The following P3H1 variants were observed in gnomAD, a reference collection of about 807,000 sequenced individuals.
P3H1 encodes the protein growth suppressor 1.
In P3H1, 69 loss-of-function variants were observed where a neutral mutation model predicts 84.0. The ratio of observed to expected loss-of-function variants is 0.82; its 90% CI spans 0.68 to 1.00. P3H1 has a LOEUF of 1.00. Among genes scored for constraint, P3H1 ranks in the 50% least tolerant of loss-of-function variants. The probability of loss-of-function intolerance (pLI) is 0.00; values close to 1 mark genes in which losing one functional copy is unlikely to be tolerated. For synonymous variants in P3H1, 366 were observed against 388.8 expected (o/e 0.94, Z 0.69); for missense variants, 878 against 962.8 (o/e 0.91, Z 1.17).
At chr1:42,751,946 C>T in intron 10 of P3H1, 1 of 388,376 alleles carries the variant, frequency 2.6e-6, no homozygotes, top group Non-Finnish European at 4.9e-6. Flanking sequence ...TCCTCTTCCT[C>T]CTGTCCTTCT....
chr1:42,755,239 G>T, intron 6 of P3H1, 22 bp from the exon 7 acceptor site: 3 of 1,610,402 alleles, frequency 1.9e-6, no homozygotes, highest in South Asian at 2.2e-5. Context: ...AGGAAGAAAT[G>T]AAAAAGGTAA....
At position 42,767,016 on chromosome 1, in the gene P3H1, G is replaced by A. The variant is rs183564323; in HGVS notation, c.-45C>T. The A allele has an allele frequency of 1.2e-3, 1,836 of 1,591,100 alleles. 9 individuals carry two copies. The African/African-American group carries it at 0.021, about 18-fold the overall frequency. On this transcript the variant is annotated 5_prime_UTR_variant, in exon 1 of 15. Coordinates refer to ENST00000296388, the MANE Select transcript of P3H1 (RefSeq NM_022356.4). Reference sequence around the variant, plus strand: ...GAACCGCCAGCCACCCGCCACCAAGGCCGGAGTCCTACCCCCGGCGAAGGC... The same window carrying A: ...GAACCGCCAGCCACCCGCCACCAAGACCGGAGTCCTACCCCCGGCGAAGGC...
At chr1:42,750,817 T>C (rs1414995328) in intron 10 of P3H1, among the ~76,000 whole-genome samples, 3 of 132,026 alleles carry the variant, frequency 2.3e-5, no homozygotes, top group Non-Finnish European at 4.8e-5. Flanking sequence ...GGGAGGGAGG[T>C]GGGGGGGTCA....
chr1:42,757,197 C>T (rs184715273), intron 5 of P3H1, among the ~76,000 whole-genome samples: 58 of 152,298 alleles, frequency 3.8e-4, no homozygotes, highest in African/African-American at 9.9e-4. Flanking sequence ...ACAACCCACA[C>T]AGGAGGGGCA....
intron 11 of P3H1, among the ~76,000 whole-genome samples, chr1:42,749,526 T>C (rs949640136): frequency 3.9e-5 from 6 of 152,212 alleles, no homozygotes; most frequent in Admixed American, 2.6e-4. Flanking sequence ...CTCACAAATT[T>C]GGTATTTAAC....
At chr1:42,762,610 GC>G in intron 1 of P3H1, 135 bp from the exon 2 acceptor site, 1 of 884,700 alleles carries the variant, frequency 1.1e-6, no homozygotes, top group Non-Finnish European at 1.8e-6. Context: ...GCCCCTGCCA[GC>G]CCCAGGAAGC....
chr1:42,751,541 C>A (rs1384008441), intron 10 of P3H1: 2 of 133,184 alleles, frequency 1.5e-5, no homozygotes, highest in African/African-American at 2.9e-5. Flanking sequence ...TCCCCCTCTG[C>A]GAGAAACACC....
intron 8 of P3H1, among the ~76,000 whole-genome samples, chr1:42,753,086 A>C (rs960606076): frequency 2.6e-5 from 4 of 152,186 alleles, no homozygotes; most frequent in African/African-American, 7.2e-5. Flanking sequence ...TCTACCTTAT[A>C]TGTTTGATGC....
At chr1:42,762,894 C>T (rs1468776409) in intron 1 of P3H1, among the ~76,000 whole-genome samples, 1 of 152,028 alleles carries the variant, frequency 6.6e-6, no homozygotes, top group Middle Eastern at 3.2e-3. Flanking sequence ...GAGTTCAAGA[C>T]CAGTCTGGGC....
intron 12 of P3H1, 126 bp from the exon 13 acceptor site, chr1:42,747,924 C>T: frequency 1.1e-6 from 1 of 916,726 alleles, no homozygotes; most frequent in Non-Finnish European, 1.8e-6. Context: ...CCTTTAAGAA[C>T]CTATACTGAT....
intron 11 of P3H1, 28 bp downstream of exon 11, chr1:42,750,158 C>T (rs547664224): frequency 5.2e-5 from 84 of 1,607,228 alleles, no homozygotes; most frequent in African/African-American, 3.6e-4. Context: ...CATGCGGGGG[C>T]GGGTGCTGCA....
Position 42,754,912 on chromosome 1 carries a change from C to T in P3H1, c.1302G>A (p.Glu434=), listed in dbSNP as rs774224685. The change falls in exon 8 of 15, where the codon GAG becomes GAA. Residue 434 remains glutamate (E), a synonymous_variant. Coordinates refer to ENST00000296388, the MANE Select transcript of P3H1 (RefSeq NM_022356.4). This position sits in a 1 kb window ranked among gnomAD's most constrained non-coding sequence, Gnocchi z 4.0. ...TCACATCCAGTGACTCCTTGGTCTT[C>T]TCTTCCACAAGGGTCTCGATTTCCT... The part of the protein sequence containing the change: ...LMKEIETLVE[E]KTKESLDVSR... 2 of 1,614,208 alleles carry T rather than the reference C, an allele frequency of 1.2e-6. No homozygotes were observed. Among genetic ancestry groups the T allele is most frequent in the Non-Finnish European group, 1.7e-6 (2 of 1,180,018 alleles).
intron 1 of P3H1, among the ~76,000 whole-genome samples, chr1:42,764,236 A>G (rs189691451): frequency 1.1e-4 from 16 of 152,118 alleles, no homozygotes; most frequent in African/African-American, 3.4e-4. Context: ...ATCCTGGCCA[A>G]TATGGAGAAA....
Position 42,754,755 on chromosome 1 carries a change from G to A in P3H1, c.1345+114C>T. ...CCACTGAACTTGCACCCTAAGGGTG[G>A]CTGGCTCATGGTGAGCTCTGCAATG... is the stretch of plus-strand genomic sequence containing the variant. On this transcript the variant is annotated intron_variant, in intron 8 of 14. Transcript: ENST00000296388. This position sits in a 1 kb window ranked among gnomAD's most constrained non-coding sequence, Gnocchi z 4.0. 7.1e-7 allele frequency: 1 copy of A among 1,403,182 alleles called. No homozygotes were observed. The highest frequency in any genetic ancestry group is 1.0e-6 in the Non-Finnish European group (1 of 998,132). 86.9% of individuals were successfully genotyped at this position (1,403,182 alleles called of 1,614,324 possible).
At chr1:42,753,941 G>A (rs1245406205) in intron 8 of P3H1, among the ~76,000 whole-genome samples, 3 of 150,586 alleles carry the variant, frequency 2.0e-5, no homozygotes, top group Admixed American at 6.6e-5. Flanking sequence ...AAAAAAAAAA[G>A]AAAGGCTTTG....
Position 42,757,831 on chromosome 1 carries a change from A to G in P3H1, c.1032T>C (p.Tyr344=), listed in dbSNP as rs74360797. The G allele has an allele frequency of 1.2e-6, 2 of 1,614,256 alleles. No individual in the cohort carries two copies. The highest frequency in any genetic ancestry group is 2.2e-5 in the East Asian group (1 of 44,894). Residue 344 remains tyrosine (Y), a synonymous_variant, in exon 5 of 15, where the codon TAT becomes TAC. Coordinates refer to ENST00000296388, the MANE Select transcript of P3H1 (RefSeq NM_022356.4). ...TGTGTTCTTCTCCAAGCATAGCTGCATAATAGGCCAAATTTTGGTTCATCA... is the reference window on the plus strand; with the variant it reads ...TGTGTTCTTCTCCAAGCATAGCTGCGTAATAGGCCAAATTTTGGTTCATCA... ...DEVMNQNLAY[Y]AAMLGEEHTR...
Position 42,766,483 on chromosome 1 carries a change from G to A in P3H1, c.465+24C>T, listed in dbSNP as rs769843433. On this transcript the variant is annotated intron_variant, in intron 1 of 14. Transcript: ENST00000296388. The stretch of plus-strand genomic sequence containing the variant: ...TCCTCTCCCCAGAAGGACCCCGGCC[G>A]CCTGGTTCCAGGCAGGTCTGCACCT... The A allele has an allele frequency of 9.5e-6, 15 of 1,575,476 alleles. No individual in the cohort carries two copies. In the South Asian group the frequency reaches 1.4e-4, roughly 15 times the overall value.
chr1:42,754,995 G>A lies in P3H1; in HGVS notation c.1224-5C>T. Reference sequence around the variant, plus strand: ...ACGGCTGTTTCCCGTTCTGACCTATGAGCACAGCCGCTCTGAGGACTGCAT... The same window carrying A: ...ACGGCTGTTTCCCGTTCTGACCTATAAGCACAGCCGCTCTGAGGACTGCAT... On this transcript the variant is annotated splice_region_variant and splice_polypyrimidine_tract_variant and intron_variant, in intron 7 of 14. Coordinates refer to ENST00000296388, the MANE Select transcript of P3H1 (RefSeq NM_022356.4). The surrounding 1 kb of genome is among the most constrained non-coding windows in gnomAD (Gnocchi z 4.0). 1 of 1,614,122 alleles carries A rather than the reference G, an allele frequency of 6.2e-7. No homozygotes were observed. Among genetic ancestry groups the A allele is most frequent in the South Asian group, 1.1e-5 (1 of 91,070 alleles).
At chr1:42,766,109 G>A (rs548776479) in intron 1 of P3H1, among the ~76,000 whole-genome samples, 8 of 151,606 alleles carry the variant, frequency 5.3e-5, no homozygotes, top group Non-Finnish European at 7.4e-5. Flanking sequence ...CAAACAGCAG[G>A]AAAAGCACCA....
Sources: allele counts gnomAD v4.1 joint callset (sites outside exome capture counted in the v4.1 genomes callset), GRCh38; gene constraint gnomAD v4.1.1; non-coding constraint Gnocchi (gnomAD v3.1); transcripts MANE v1.5; gene names NCBI Gene and HGNC (gene_info 2026-07-23, HGNC 2026-07-21).